The following SLC7A7 variants were observed in gnomAD, a reference collection of about 807,000 sequenced individuals.
SLC7A7 encodes Y+L amino acid transporter 1.
In SLC7A7, 39 loss-of-function variants were observed where a neutral mutation model predicts 47.9. That is an observed-to-expected ratio of 0.81 (90% CI 0.63 to 1.06). SLC7A7 has a LOEUF of 1.06. Ranked by LOEUF, SLC7A7 falls within the 50% of genes least tolerant of loss-of-function variation. The pLI is 0.00. For synonymous variants in SLC7A7, 234 were observed against 242.8 expected (o/e 0.96, Z 0.34); for missense variants, 588 against 632.0 (o/e 0.93, Z 0.75).
chr14:22,785,509 T>A (rs1461790610), intron 2 of SLC7A7, among the ~76,000 whole-genome samples: 1 of 150,390 alleles, frequency 6.6e-6, no homozygotes, highest in Non-Finnish European at 1.5e-5. Context: ...GGGCAGATCA[T>A]CTGAGGTTGG....
chr14:22,777,942 G>A (rs2038646684), intron 4 of SLC7A7, among the ~76,000 whole-genome samples: 1 of 152,174 alleles, frequency 6.6e-6, no homozygotes, highest in African/African-American at 2.4e-5. Context: ...AGGCGTGGTG[G>A]CAGGCACCTG....
chr14:22,812,847 C>T (rs1445000803), intron 2 of SLC7A7, 53 bp downstream of exon 2: 6 of 1,580,836 alleles, frequency 3.8e-6, no homozygotes, highest in Non-Finnish European at 5.2e-6. Flanking sequence ...GCACTCACAT[C>T]CCAGCCTCTG....
At chr14:22,791,825 C>T (rs2038927164) in intron 2 of SLC7A7, among the ~76,000 whole-genome samples, 3 of 131,274 alleles carry the variant, frequency 2.3e-5, no homozygotes, top group South Asian at 5.0e-4. Context: ...GGGAAAATCT[C>T]TACACCTTTT....
chr14:22,806,187 C>T (rs112550184), intron 2 of SLC7A7, among the ~76,000 whole-genome samples: 5,943 of 78,420 alleles, frequency 0.076, 313 homozygotes, highest in South Asian at 0.13. Context: ...ACATCAATCT[C>T]TTTTTTTTTT....
intron 2 of SLC7A7, among the ~76,000 whole-genome samples, chr14:22,804,628 T>C (rs1388158594): frequency 2.6e-5 from 4 of 152,144 alleles, no homozygotes; most frequent in African/African-American, 9.7e-5. Flanking sequence ...ACAGCACTGA[T>C]CATTAGAGAA....
At chr14:22,779,894 A>T in intron 3 of SLC7A7, 32 bp downstream of exon 3, 1 of 1,607,078 alleles carries the variant, frequency 6.2e-7, no homozygotes, top group Non-Finnish European at 8.5e-7. Context: ...AATGCTTAAA[A>T]AAGATTAGTT....
upstream of SLC7A7, chr14:22,816,273 C>T (rs2039405857): frequency 6.5e-6 from 1 of 154,316 alleles, no homozygotes; most frequent in African/African-American, 2.4e-5. Context: ...AGGCGGATCA[C>T]AAGGTCAGGA....
At chr14:22,784,346 G>GCA in intron 2 of SLC7A7, among the ~76,000 whole-genome samples, 2 of 151,904 alleles carry the variant, frequency 1.3e-5, no homozygotes, top group Non-Finnish European at 2.9e-5. Flanking sequence ...GTGGCCGGGT[G>GCA]CAGTGGCTCA....
intron 2 of SLC7A7, among the ~76,000 whole-genome samples, chr14:22,792,891 G>C (rs145923519): frequency 7.6e-6 from 1 of 130,858 alleles, no homozygotes; most frequent in African/African-American, 2.9e-5. Flanking sequence ...GAGAGAGAGA[G>C]AGAGAAAGGA....
chr14:22,782,939 ATT>A (rs34783556), intron 2 of SLC7A7, among the ~76,000 whole-genome samples: 3 of 143,298 alleles, frequency 2.1e-5, no homozygotes, highest in Non-Finnish European at 1.5e-5. Flanking sequence ...ATTTGTTTTA[ATT>A]TTTTTTTTTT....
chr14:22,780,645 G>A (rs1417835697), intron 2 of SLC7A7, among the ~76,000 whole-genome samples: 3 of 152,176 alleles, frequency 2.0e-5, no homozygotes, highest in Non-Finnish European at 4.4e-5. Context: ...TGTAGAATGG[G>A]GACAGGGCAT....
intron 2 of SLC7A7, among the ~76,000 whole-genome samples, chr14:22,789,397 T>A (rs1354833449): frequency 6.6e-6 from 1 of 152,128 alleles, no homozygotes; most frequent in African/African-American, 2.4e-5. Context: ...GGCGGGCAGA[T>A]CACCTGAGGT....
At chr14:22,790,320 AC>A (rs1333287135) in intron 2 of SLC7A7, among the ~76,000 whole-genome samples, 1 of 99,478 alleles carries the variant, frequency 1.0e-5, no homozygotes, top group Non-Finnish European at 2.1e-5. Flanking sequence ...ACAGAGCAAG[AC>A]TGTCTCAAAA....
upstream of SLC7A7, among the ~76,000 whole-genome samples, chr14:22,817,905 AGTTT>A (rs905773986): frequency 6.6e-6 from 1 of 152,090 alleles, no homozygotes; most frequent in Non-Finnish European, 1.5e-5. Context: ...GCTCCAACAA[AGTTT>A]GTTAATCTCC....
chr14:22,792,790 G>A (rs374937536), intron 2 of SLC7A7, among the ~76,000 whole-genome samples: 34 of 149,150 alleles, frequency 2.3e-4, no homozygotes, highest in Admixed American at 1.5e-3. Flanking sequence ...CCCAGGAGGC[G>A]GAGGTTGCAG....
At chr14:22,779,271 G>A (rs1278163438) in intron 3 of SLC7A7, among the ~76,000 whole-genome samples, 1 of 152,090 alleles carries the variant, frequency 6.6e-6, no homozygotes, top group South Asian at 2.1e-4. Flanking sequence ...CCTGATTCCT[G>A]CCTCCTATCA....
Position 22,778,890 on chromosome 14 carries a change from C to T in SLC7A7, c.673G>A (p.Val225Met), listed in dbSNP as rs2038665644. Residue 225 changes from valine to methionine, a missense_variant, in exon 4 of 10, where the codon GTG becomes ATG. Transcript: ENST00000674313. Reference sequence around the variant, plus strand: ...TACAGTGCCAGGGCAATGTCACCCACTGCAAATGATGAACCCTCAAAGGAA... The same window carrying T: ...TACAGTGCCAGGGCAATGTCACCCATTGCAAATGATGAACCCTCAAAGGAA... Reference protein sequence around the residue: ...ENSFEGSSFAVGDIALALYSA... With the variant: ...ENSFEGSSFAMGDIALALYSA... The T allele has an allele frequency of 1.2e-6, 2 of 1,614,060 alleles. No homozygotes were observed. Among genetic ancestry groups the T allele is most frequent in the Non-Finnish European group, 1.7e-6 (2 of 1,180,048 alleles).
At chr14:22,799,448 C>CTTTTTTTTTTTTTTTTTTTTTTTTT (rs56375225) in intron 2 of SLC7A7, among the ~76,000 whole-genome samples, 120 of 76,188 alleles carry the variant, frequency 1.6e-3, no homozygotes, top group East Asian at 2.0e-3. Flanking sequence ...TTTTTTCTTT[C>CTTTTTTTTTTTTTTTTTTTTTTTTT]TTTTTTTTTT....
At chr14:22,796,174 G>A (rs192969366) in intron 2 of SLC7A7, among the ~76,000 whole-genome samples, 1 of 152,148 alleles carries the variant, frequency 6.6e-6, no homozygotes, top group Admixed American at 6.5e-5. Flanking sequence ...CAAGTAGAAG[G>A]TTCAAAGGGC....
Sources: gnomAD v4.1 joint callset for allele counts (sites outside exome capture counted in the v4.1 genomes callset) on GRCh38, gnomAD v4.1.1 for gene constraint, MANE v1.5 for transcripts, NCBI Gene and HGNC (gene_info 2026-07-23, HGNC 2026-07-21) for gene names.